The following MAX variants were observed in gnomAD, a reference collection of about 807,000 sequenced individuals.
MAX encodes the protein MYC associated transcriptional regulator X.
A neutral mutation model predicts 22.3 loss-of-function variants in MAX; 3 were observed. That is an observed-to-expected ratio of 0.13 (90% CI 0.06 to 0.35). MAX has a LOEUF of 0.35. Ranked by LOEUF, MAX falls within the 10% of genes least tolerant of loss-of-function variation. The probability of loss-of-function intolerance (pLI) is 1.00; values close to 1 mark genes in which losing one functional copy is unlikely to be tolerated. For synonymous variants in MAX, 72 were observed against 77.7 expected, an observed-to-expected ratio of 0.93 and a Z score of 0.39; for missense variants, 119 against 209.4, an observed-to-expected ratio of 0.57 and a Z score of 2.66.
chr14:65,089,590 T>A (rs2063439358), intron 3 of MAX, among the ~76,000 whole-genome samples: 2 of 151,752 alleles, frequency 1.3e-5, no homozygotes, highest in East Asian at 3.9e-4. Flanking sequence ...GTACTGGGGC[T>A]TATGAGATGG....
In MAX at chr14:65,077,546, G is replaced by A; in HGVS notation, c.295+367C>T. The A allele has an allele frequency of 1.1e-6, 1 of 927,554 alleles. No homozygotes were observed. Among genetic ancestry groups the A allele is most frequent in the Admixed American group, 1.7e-5 (1 of 57,522 alleles). 57.5% of individuals were successfully genotyped at this position (927,554 alleles called of 1,614,324 possible). Reference sequence around the variant, plus strand: ...AGGGCTCACTGTCCCTGAACACCTGGAGTCTCTGGTACTTACACAGCACAT... The same window carrying A: ...AGGGCTCACTGTCCCTGAACACCTGAAGTCTCTGGTACTTACACAGCACAT... On this transcript the variant is annotated intron_variant, in intron 4 of 4. Transcript: ENST00000358664. The surrounding 1 kb of genome is among the most constrained non-coding windows in gnomAD (Gnocchi z 6.3).
intron 2 of MAX, among the ~76,000 whole-genome samples, chr14:65,099,467 C>T (rs1045830235): frequency 4.6e-5 from 7 of 150,872 alleles, no homozygotes; most frequent in Admixed American, 1.3e-4. Context: ...TTTATATCAA[C>T]GATCATATGG....
Position 65,015,733 on chromosome 14 carries a change from G to A in MAX, c.172-9449C>T, listed in dbSNP as rs751643733. The A allele has an allele frequency of 3.7e-6, 6 of 1,610,536 alleles. No individual in the cohort carries two copies. In the South Asian group the frequency reaches 4.4e-5, roughly 12 times the overall value. On this transcript the variant is annotated intron_variant, in intron 3 of 3. Coordinates refer to the MAX transcript ENST00000341653. ...GGCTACAGAGTGAGTCTGTCTTTGG[G>A]AAATCTGGGGTGTTCTCTGAAATTG...
intron 3 of MAX, among the ~76,000 whole-genome samples, chr14:65,037,180 T>C (rs551055656): frequency 6.6e-6 from 1 of 151,624 alleles, no homozygotes; most frequent in African/African-American, 2.4e-5. Flanking sequence ...CTCGGCTCAC[T>C]GCAACCTCTG....
At chr14:65,006,392 T>C (rs902647574) in intron 3 of MAX, 2 of 1,502,130 alleles carry the variant, frequency 1.3e-6, no homozygotes, top group Admixed American at 2.3e-5. Flanking sequence ...ATAAAATGAA[T>C]TATTCCTCTT....
rs1028337738 is a variant in MAX, at chr14:65,082,257, G to A, written c.172-4221C>T. The stretch of plus-strand genomic sequence containing the variant: ...TCAATAGAATTGCAGGGACACTGTT[G>A]TCATGGAGGGGAAAGTTGGAGGAGG... On this transcript the variant is annotated intron_variant, in intron 3 of 4. Transcript: ENST00000358664. This position sits in a 1 kb window ranked among gnomAD's most constrained non-coding sequence, Gnocchi z 4.8. 6.8e-6 allele frequency: 1 copy of A among 146,958 alleles called. No individual in the cohort carries two copies. 9.1% of individuals were successfully genotyped at this position (146,958 alleles called of 1,614,324 possible).
downstream of MAX, among the ~76,000 whole-genome samples, chr14:65,072,322 T>C (rs903192928): frequency 6.6e-6 from 1 of 152,086 alleles, no homozygotes; most frequent in Non-Finnish European, 1.5e-5. Flanking sequence ...CTTTCTTCCT[T>C]CTCAAGTTTA....
intron 3 of MAX, among the ~76,000 whole-genome samples, chr14:65,059,053 C>T (rs867746030): frequency 6.6e-6 from 1 of 152,070 alleles, no homozygotes; most frequent in Non-Finnish European, 1.5e-5. Context: ...GACATGATCT[C>T]ACTCTGTCAC....
At chr14:65,096,474 T>C (rs1427208498) in intron 2 of MAX, among the ~76,000 whole-genome samples, 1 of 152,152 alleles carries the variant, frequency 6.6e-6, no homozygotes, top group Admixed American at 6.5e-5. Context: ...GGCTGAGAAT[T>C]CTCTGTGGGA....
Position 65,079,114 on chromosome 14 carries a change from T to C in MAX, c.172-1078A>G, listed in dbSNP as rs910550761. Among the ~76,000 whole-genome samples, 6 of 152,222 alleles carry C rather than the reference T, an allele frequency of 3.9e-5. No individual in the cohort carries two copies. Among genetic ancestry groups the C allele is most frequent in the African/African-American group, 9.7e-5 (4 of 41,448 alleles). ...TACTTAAATGAAAGCTTTAGGTCAC[T>C]AATTCTGCTAGGGCCTGGCTTGAGA... On this transcript the variant is annotated intron_variant, in intron 3 of 4. Transcript: ENST00000358664. This position sits in a 1 kb window ranked among gnomAD's most constrained non-coding sequence, Gnocchi z 4.5.
At chr14:65,006,368 A>G (rs2061590441) in intron 3 of MAX, 2 of 1,574,826 alleles carry the variant, frequency 1.3e-6, no homozygotes, top group Non-Finnish European at 1.7e-6. Context: ...CATTAACCCA[A>G]TGCTCTGACC....
Position 65,031,980 on chromosome 14 carries a change from G to GTGTGTGTGTGTGTGTGTGTA in MAX, c.172-25697_172-25696insTACACACACACACACACACA, listed in dbSNP as rs2062095277. ...TAGACGTGCGCCTTTTTCATTTAACGTGTGTGTGTGTGTGTGTGTGTGTGT... is the reference window on the plus strand; with the variant it reads ...TAGACGTGCGCCTTTTTCATTTAACGTGTGTGTGTGTGTGTGTGTATGTGTGTGTGTGTGTGTGTGTGTGT... On this transcript the variant is annotated intron_variant, in intron 3 of 3. Coordinates refer to the MAX transcript ENST00000341653. The surrounding 1 kb of genome is among the most constrained non-coding windows in gnomAD (Gnocchi z 4.6). Among the ~76,000 whole-genome samples, 1 of 28,918 alleles carries GTGTGTGTGTGTGTGTGTGTA rather than the reference G, an allele frequency of 3.5e-5. No homozygotes were observed. Among genetic ancestry groups the GTGTGTGTGTGTGTGTGTGTA allele is most frequent in the African/African-American group, 2.4e-4 (1 of 4,110 alleles). 19.0% of individuals were successfully genotyped at this position (28,918 alleles called of 152,430 possible). A position where few individuals can be genotyped will look rare whatever the true frequency, so the allele number is the denominator to read the frequency against.
chr14:65,032,495 G>A lies in MAX; in HGVS notation c.172-26211C>T. 1 of 1,085,506 alleles carries A rather than the reference G, an allele frequency of 9.2e-7. No homozygotes were observed. Among genetic ancestry groups the A allele is most frequent in the Non-Finnish European group, 1.3e-6 (1 of 769,944 alleles). 67.2% of individuals were successfully genotyped at this position (1,085,506 alleles called of 1,614,324 possible). On this transcript the variant is annotated intron_variant, in intron 3 of 3. Coordinates refer to the MAX transcript ENST00000341653. The surrounding 1 kb of genome is among the most constrained non-coding windows in gnomAD (Gnocchi z 5.0). ...AGGACTGACCGTGTGCCAAGAGTGAGGACAGGAGGTGATTACAGCTTACTA... is the reference window on the plus strand; with the variant it reads ...AGGACTGACCGTGTGCCAAGAGTGAAGACAGGAGGTGATTACAGCTTACTA...
In MAX at chr14:65,012,532, G is replaced by T; in HGVS notation, c.172-6248C>A. The T allele has an allele frequency of 8.6e-7, 1 of 1,161,192 alleles. No homozygotes were observed. Among genetic ancestry groups the T allele is most frequent in the South Asian group, 1.5e-5 (1 of 68,600 alleles). 71.9% of individuals were successfully genotyped at this position (1,161,192 alleles called of 1,614,324 possible). ...CTGTGGCTCTGGCAGGAGGTAGGGT[G>T]CTGTCACAGAGCTGGGACTCAGCCC... On this transcript the variant is annotated intron_variant, in intron 3 of 3. Coordinates refer to the MAX transcript ENST00000341653. This position sits in a 1 kb window ranked among gnomAD's most constrained non-coding sequence, Gnocchi z 5.0.
At position 65,102,467 on chromosome 14, in the gene MAX, GCT is replaced by G. The variant is rs1325307213; in HGVS notation, c.-130_-129del. ...CACACACTCACTCACTCACTCACTCGCTCTCTCACTCACACACACACACAACA... is the reference window on the plus strand; with the variant it reads ...CACACACTCACTCACTCACTCACTCGCTCTCACTCACACACACACACAACA... On this transcript the variant is annotated 5_prime_UTR_variant, in exon 1 of 5. Coordinates refer to ENST00000358664, the MANE Select transcript of MAX (RefSeq NM_002382.5). 3 of 1,523,250 alleles carry G rather than the reference GCT, an allele frequency of 2.0e-6. No homozygotes were observed. The highest frequency in any genetic ancestry group is 2.6e-6 in the Non-Finnish European group (3 of 1,137,150). The allele number at this position is 1,523,250 out of a possible 1,614,324, so 94.4% of individuals were successfully genotyped here. A position where few individuals can be genotyped will look rare whatever the true frequency, so the allele number is the denominator to read the frequency against.
chr14:65,076,732 A>C lies in MAX; in HGVS notation c.296-69T>G. On this transcript the variant is annotated intron_variant, in intron 4 of 4. Coordinates refer to ENST00000358664, the MANE Select transcript of MAX (RefSeq NM_002382.5). The surrounding 1 kb of genome is among the most constrained non-coding windows in gnomAD (Gnocchi z 6.6). ...TGGGGAGTAACCGAGTCTCAGACTC[A>C]GGGTCCAGCCTGTTCTTCCTAAGGG... The C allele has an allele frequency of 6.3e-7, 1 of 1,587,406 alleles. No homozygotes were observed. The highest frequency in any genetic ancestry group is 8.7e-7 in the Non-Finnish European group (1 of 1,155,926).
At position 65,099,719 on chromosome 14, in the gene MAX, C is replaced by T. The variant is rs767368648; in HGVS notation, c.63+1827G>A. Among the ~76,000 whole-genome samples, 7 of 152,036 alleles carry T rather than the reference C, an allele frequency of 4.6e-5. No individual in the cohort carries two copies. The South Asian group carries it at 1.0e-3, about 22-fold the overall frequency. On this transcript the variant is annotated intron_variant, in intron 2 of 4. Coordinates refer to ENST00000358664, the MANE Select transcript of MAX (RefSeq NM_002382.5). ...TTGCAGGGAAAAAAAAAGTTTTCAA[C>T]AGACTAGGCCCCAAACATGAAGGAT...
chr14:65,022,118 AG>A, intron 3 of MAX: 1 of 454,888 alleles, frequency 2.2e-6, no homozygotes, highest in African/African-American at 2.0e-5. Flanking sequence ...TATTCTACCT[AG>A]GGAAGGAGAT....
rs2061653149 is a variant in MAX at position 65,009,585 on chromosome 14, A to G, written c.172-3301T>C. On this transcript the variant is annotated intron_variant, in intron 3 of 3. Transcript: ENST00000341653. This position sits in a 1 kb window ranked among gnomAD's most constrained non-coding sequence, Gnocchi z 4.2. ...CAGCATCCTTCCTTATTCCAGGCTC[A>G]CCTCTCCTACTATACCCTCATCCCA... 6.6e-6 allele frequency among the ~76,000 whole-genome samples: 1 copy of G among 151,852 alleles called. No homozygotes were observed.
Sources: allele counts gnomAD v4.1 joint callset (sites outside exome capture counted in the v4.1 genomes callset), GRCh38; gene constraint gnomAD v4.1.1; non-coding constraint Gnocchi (gnomAD v3.1); transcripts MANE v1.5; gene names NCBI Gene and HGNC (gene_info 2026-07-23, HGNC 2026-07-21).